Variants in GRM1 observed in about 807,000 individuals in gnomAD.
GRM1 encodes metabotropic glutamate receptor 1.
Under a neutral mutation model 90.9 loss-of-function variants are expected in GRM1, and 33 were observed. The ratio of observed to expected loss-of-function variants is 0.36; its 90% confidence interval spans 0.28 to 0.49. The LOEUF is 0.49. Ranked by LOEUF, GRM1 falls within the 20% of genes least tolerant of loss-of-function variation. The pLI, the probability that GRM1 is intolerant of heterozygous loss-of-function variation, is 0.99. For synonymous variants in GRM1, 700 were observed against 613.2 expected (o/e 1.14, Z -2.09); for missense variants, 1,190 against 1,534.3 (o/e 0.78, Z 3.75).
At chr6:146,144,269 C>T (rs991346493) in intron 1 of GRM1, among the ~76,000 whole-genome samples, 50 of 152,148 alleles carry the variant, frequency 3.3e-4, no homozygotes, top group Admixed American at 2.1e-3. Flanking sequence ...GATCAGGGCC[C>T]CACCCTTATG....
chr6:146,265,487 T>G (rs1405171479), intron 2 of GRM1, among the ~76,000 whole-genome samples: 1 of 152,216 alleles, frequency 6.6e-6, no homozygotes, highest in Non-Finnish European at 1.5e-5. Context: ...GTTGTCTTCT[T>G]ATTCTGTTGT....
intron 3 of GRM1, among the ~76,000 whole-genome samples, chr6:146,351,288 A>G (rs953561710): frequency 2.0e-5 from 3 of 152,148 alleles, no homozygotes; most frequent in African/African-American, 7.2e-5. Flanking sequence ...ACCCCCTACT[A>G]TCAGTCAAAT....
chr6:146,148,484 T>C (rs1205822782), intron 1 of GRM1, among the ~76,000 whole-genome samples: 2 of 152,176 alleles, frequency 1.3e-5, no homozygotes, highest in Non-Finnish European at 2.9e-5. Flanking sequence ...TGACATTGAG[T>C]ACAATTTTAT....
chr6:146,352,037 C>T (rs981374469), intron 3 of GRM1, among the ~76,000 whole-genome samples: 2 of 152,060 alleles, frequency 1.3e-5, no homozygotes, highest in Admixed American at 6.6e-5. Context: ...AAACCATTAT[C>T]GAATAGAGAG....
At chr6:146,043,750 TATCTC>T (rs1791201858) in intron 1 of GRM1, among the ~76,000 whole-genome samples, 1 of 145,312 alleles carries the variant, frequency 6.9e-6, no homozygotes, top group South Asian at 2.2e-4. Flanking sequence ...AATTGTAAAA[TATCTC>T]AACTCTATTT....
At chr6:146,036,552 A>G (rs1790898308) in intron 1 of GRM1, among the ~76,000 whole-genome samples, 2 of 152,092 alleles carry the variant, frequency 1.3e-5, no homozygotes, top group South Asian at 4.1e-4. Context: ...GAGAAATTAT[A>G]ATTTTAATTA....
At chr6:146,070,950 A>G (rs1242030574) in intron 1 of GRM1, among the ~76,000 whole-genome samples, 2 of 152,196 alleles carry the variant, frequency 1.3e-5, no homozygotes, top group Non-Finnish European at 2.9e-5. Context: ...ACCTATTAGC[A>G]GTATAAACTG....
intron 3 of GRM1, among the ~76,000 whole-genome samples, chr6:146,306,667 G>A (rs1458504766): frequency 6.6e-6 from 1 of 152,102 alleles, no homozygotes; most frequent in African/African-American, 2.4e-5. Flanking sequence ...GAGTTTTGCT[G>A]AAGGGCCCAA....
intron 3 of GRM1, among the ~76,000 whole-genome samples, chr6:146,330,867 T>C (rs1236850820): frequency 2.6e-5 from 4 of 152,188 alleles, no homozygotes; most frequent in African/African-American, 9.6e-5. Flanking sequence ...TGAAAAAAAT[T>C]ATTTATATCT....
chr6:146,314,051 CTTTTTTTTTTTTTTTTTTTT>C (rs552986343), intron 3 of GRM1, among the ~76,000 whole-genome samples: 2 of 61,960 alleles, frequency 3.2e-5, no homozygotes, highest in Non-Finnish European at 5.2e-5. Context: ...TAGTTAATTC[CTTTTTTTTTTTTTTTTTTTT>C]TTTTTTTTTT....
At chr6:146,427,586 T>A (rs1185696540) in intron 7 of GRM1, among the ~76,000 whole-genome samples, 1 of 152,196 alleles carries the variant, frequency 6.6e-6, no homozygotes, top group East Asian at 1.9e-4. Flanking sequence ...CTTCACTCAG[T>A]GGAGTGCAAT....
intron 2 of GRM1, among the ~76,000 whole-genome samples, chr6:146,186,627 T>A (rs1778741349): frequency 6.6e-6 from 1 of 152,236 alleles, no homozygotes; most frequent in Non-Finnish European, 1.5e-5. Flanking sequence ...ACTGCTTAAC[T>A]GATAACAGTT....
intron 1 of GRM1, among the ~76,000 whole-genome samples, chr6:146,031,899 AT>A (rs1354164837): frequency 1.3e-5 from 2 of 152,154 alleles, no homozygotes; most frequent in Non-Finnish European, 2.9e-5. Flanking sequence ...ATTTAATAAT[AT>A]TTCCCCCATT....
At chr6:146,048,202 A>C (rs1365175781) in intron 1 of GRM1, among the ~76,000 whole-genome samples, 1 of 152,054 alleles carries the variant, frequency 6.6e-6, no homozygotes, top group African/African-American at 2.4e-5. Flanking sequence ...ATATTTGTTG[A>C]ATGAATAAGC....
At chr6:146,364,462 C>T (rs115831929) in intron 5 of GRM1, among the ~76,000 whole-genome samples, 1 of 152,332 alleles carries the variant, frequency 6.6e-6, no homozygotes, top group African/African-American at 2.4e-5. Context: ...CCATGACCCA[C>T]TCCAGCCAGC....
chr6:146,161,189 A>T (rs1267163146), intron 2 of GRM1, among the ~76,000 whole-genome samples: 2 of 152,192 alleles, frequency 1.3e-5, no homozygotes, highest in African/African-American at 4.8e-5. Context: ...TTTACAAAAC[A>T]ACAGTAGTCT....
At chr6:146,089,054 C>G (rs535735611) in intron 1 of GRM1, among the ~76,000 whole-genome samples, 3 of 152,150 alleles carry the variant, frequency 2.0e-5, no homozygotes, top group African/African-American at 7.2e-5. Flanking sequence ...TTCTAACCAA[C>G]AGAATATGGC....
At chr6:146,379,086 A>G (rs1055807903) in intron 5 of GRM1, among the ~76,000 whole-genome samples, 1 of 151,992 alleles carries the variant, frequency 6.6e-6, no homozygotes, top group Non-Finnish European at 1.5e-5. Context: ...CTCATACAAT[A>G]CCCTTCTTGT....
At chr6:146,204,064 A>G (rs904049439) in intron 2 of GRM1, among the ~76,000 whole-genome samples, 16 of 152,196 alleles carry the variant, frequency 1.1e-4, no homozygotes, top group Non-Finnish European at 1.5e-5. Context: ...AATTATATGC[A>G]CCTACACTTT....
Sources: gnomAD v4.1 joint callset for allele counts (sites outside exome capture counted in the v4.1 genomes callset) on GRCh38, gnomAD v4.1.1 for gene constraint, MANE v1.5 for transcripts, NCBI Gene and HGNC (gene_info 2026-07-23, HGNC 2026-07-21) for gene names.